The following ILRUN variants were observed in gnomAD, a reference collection of about 807,000 sequenced individuals.
ILRUN encodes inflammation and lipid regulator with UBA-like and NBR1-like domains.
In ILRUN, 3 loss-of-function variants were observed where a neutral mutation model predicts 33.8. The observed-to-expected ratio is 0.09, with a 90% CI of 0.04 to 0.23. The LOEUF (loss-of-function observed/expected upper bound fraction) is 0.23, where lower values mean the gene tolerates loss of function less well. ILRUN is among the 10% of genes least tolerant of loss of function. The pLI, the probability that ILRUN is intolerant of heterozygous loss-of-function variation, is 1.00. For missense variants in ILRUN, 210 were observed against 375.1 expected (o/e 0.56, Z 3.64); for synonymous variants, 124 against 138.9 (o/e 0.89, Z 0.75).
In ILRUN at chr6:34,696,631, C is replaced by A. The variant is rs1352543579; in HGVS notation, c.-28G>T. The A allele has an allele frequency of 6.9e-6, 11 of 1,593,162 alleles. No individual in the cohort carries two copies. Among genetic ancestry groups the A allele is most frequent in the Non-Finnish European group, 9.4e-6 (11 of 1,172,746 alleles). On this transcript the variant is annotated 5_prime_UTR_variant, in exon 1 of 5. Transcript: ENST00000374023. ...CGGGGACCGGACACCCGCTTCCCCG[C>A]CTCTTCACAACCAAGCCGCCGCCGC...
intron 4 of ILRUN, among the ~76,000 whole-genome samples, chr6:34,594,735 C>G (rs1427153078): frequency 6.6e-6 from 1 of 152,230 alleles, no homozygotes; most frequent in Non-Finnish European, 1.5e-5. Flanking sequence ...AGCAACGCCT[C>G]CTGCTCACCA....
chr6:34,615,613 A>G (rs763458304), intron 3 of ILRUN, among the ~76,000 whole-genome samples: 23 of 152,136 alleles, frequency 1.5e-4, no homozygotes, highest in Non-Finnish European at 3.1e-4. Context: ...AACAAAAACA[A>G]AAACTGCAAT....
At chr6:34,671,076 T>C (rs1481255935) in intron 1 of ILRUN, among the ~76,000 whole-genome samples, 1 of 152,136 alleles carries the variant, frequency 6.6e-6, no homozygotes, top group East Asian at 1.9e-4. Context: ...TTCCGAATTA[T>C]ACAAGTAATG....
chr6:34,673,668 G>C (rs550742123), intron 1 of ILRUN, among the ~76,000 whole-genome samples: 1 of 152,108 alleles, frequency 6.6e-6, no homozygotes, highest in South Asian at 2.1e-4. Context: ...AAACTAGCCT[G>C]GGCAACACAG....
intron 1 of ILRUN, among the ~76,000 whole-genome samples, chr6:34,658,926 C>T (rs1444577777): frequency 1.3e-5 from 2 of 152,208 alleles, no homozygotes; most frequent in African/African-American, 4.8e-5. Flanking sequence ...GTTGATACTA[C>T]CTATCTCATT....
intron 1 of ILRUN, among the ~76,000 whole-genome samples, chr6:34,668,993 G>A (rs540468815): frequency 2.3e-4 from 35 of 151,832 alleles, no homozygotes; most frequent in East Asian, 1.7e-3. Context: ...ACAGGTGTGC[G>A]CCACCACACC....
At chr6:34,590,920 T>C (rs1561993029) in intron 4 of ILRUN, among the ~76,000 whole-genome samples, 1 of 152,184 alleles carries the variant, frequency 6.6e-6, no homozygotes, top group Non-Finnish European at 1.5e-5. Flanking sequence ...CCTATTTCCT[T>C]CTTGACAAAA....
chr6:34,602,702 G>C (rs1222668619), intron 4 of ILRUN, among the ~76,000 whole-genome samples: 1 of 152,212 alleles, frequency 6.6e-6, no homozygotes, highest in East Asian at 1.9e-4. Flanking sequence ...CTGACAATGA[G>C]GCAAGCCAAT....
At chr6:34,598,221 G>C (rs1230191595) in intron 4 of ILRUN, among the ~76,000 whole-genome samples, 1 of 152,058 alleles carries the variant, frequency 6.6e-6, no homozygotes, top group African/African-American at 2.4e-5. Context: ...CTGGCCCTTA[G>C]GCAGTGAAAT....
chr6:34,694,752 C>T (rs1004248077), intron 1 of ILRUN, among the ~76,000 whole-genome samples: 1 of 151,418 alleles, frequency 6.6e-6, no homozygotes, highest in East Asian at 1.9e-4. Context: ...AAAGATGATG[C>T]ACAGAAAAAA....
At chr6:34,625,552 G>T (rs1308455903) in intron 3 of ILRUN, among the ~76,000 whole-genome samples, 1 of 152,144 alleles carries the variant, frequency 6.6e-6, no homozygotes, top group Non-Finnish European at 1.5e-5. Flanking sequence ...CTCTCTTACA[G>T]ATGACCAGTG....
At chr6:34,591,297 C>T in intron 4 of ILRUN, among the ~76,000 whole-genome samples, 1 of 152,108 alleles carries the variant, frequency 6.6e-6, no homozygotes, top group East Asian at 1.9e-4. Context: ...TCGAGACTAG[C>T]CTGGACAACA....
chr6:34,621,398 T>C (rs1473154443), intron 3 of ILRUN, among the ~76,000 whole-genome samples: 1 of 152,166 alleles, frequency 6.6e-6, no homozygotes, highest in African/African-American at 2.4e-5. Flanking sequence ...TCATCACAAA[T>C]TGATGAAACA....
At chr6:34,609,929 C>T (rs1287232921) in intron 3 of ILRUN, among the ~76,000 whole-genome samples, 1 of 152,000 alleles carries the variant, frequency 6.6e-6, no homozygotes, top group Non-Finnish European at 1.5e-5. Flanking sequence ...GAGGCCGAGG[C>T]AGGTGGATCA....
rs570624793 is a variant in ILRUN at position 34,678,067 on chromosome 6, G to A, written c.158+18379C>T. Among the ~76,000 whole-genome samples, 128 of 151,960 alleles carry A rather than the reference G, an allele frequency of 8.4e-4. 1 individual carries two copies. Among genetic ancestry groups the A allele is most frequent in the African/African-American group, 2.8e-3 (117 of 41,450 alleles). On this transcript the variant is annotated intron_variant, in intron 1 of 4. Coordinates refer to ENST00000374023, the MANE Select transcript of ILRUN (RefSeq NM_024294.4). ...ATTTTTAATTTTATTTTTTGAGATG[G>A]AGTCTTGCTTTGTCACCCAGGCTGA...
intron 1 of ILRUN, among the ~76,000 whole-genome samples, chr6:34,692,020 G>A (rs1426971455): frequency 2.0e-5 from 3 of 152,184 alleles, no homozygotes; most frequent in Non-Finnish European, 1.5e-5. Flanking sequence ...CAGGAGTGCA[G>A]CAGCACAATC....
chr6:34,689,789 C>A (rs903946629), intron 1 of ILRUN, among the ~76,000 whole-genome samples: 1 of 151,052 alleles, frequency 6.6e-6, no homozygotes, highest in Non-Finnish European at 1.5e-5. Flanking sequence ...GTGTTTCTGA[C>A]AATGTTGAGA....
rs1761235526 is a variant in ILRUN at position 34,588,436 on chromosome 6, G to A, written c.*2129C>T. 1 of 391,230 alleles carries A rather than the reference G, an allele frequency of 2.6e-6. No individual in the cohort carries two copies. Among genetic ancestry groups the A allele is most frequent in the Admixed American group, 4.5e-5 (1 of 22,448 alleles). The allele number at this position is 391,230 out of a possible 1,614,324, so 24.2% of individuals were successfully genotyped here. On this transcript the variant is annotated 3_prime_UTR_variant, in exon 5 of 5. Transcript: ENST00000374023. ...GTGAAGCCTCCCACAATCCTGCCAGGGACAGTGGAGATGTGCTGCTTCAAG... is the reference window on the plus strand; with the variant it reads ...GTGAAGCCTCCCACAATCCTGCCAGAGACAGTGGAGATGTGCTGCTTCAAG...
At chr6:34,596,838 C>A (rs1761409590) in intron 4 of ILRUN, among the ~76,000 whole-genome samples, 1 of 152,128 alleles carries the variant, frequency 6.6e-6, no homozygotes, top group African/African-American at 2.4e-5. Flanking sequence ...TCTGTAAAAA[C>A]AACTTGTTGT....
Sources: gnomAD v4.1 joint callset for allele counts (sites outside exome capture counted in the v4.1 genomes callset) on GRCh38, gnomAD v4.1.1 for gene constraint, MANE v1.5 for transcripts, NCBI Gene and HGNC (gene_info 2026-07-23, HGNC 2026-07-21) for gene names.